The following UBTD1 variants were observed in gnomAD, a reference collection of about 807,000 sequenced individuals.
UBTD1 encodes ubiquitin domain containing 1.
Under a neutral mutation model 21.7 loss-of-function variants are expected in UBTD1, and 19 were observed. The observed-to-expected ratio is 0.87, with a 90% CI of 0.61 to 1.28. The LOEUF (loss-of-function observed/expected upper bound fraction) is 1.28, where lower values mean the gene tolerates loss of function less well. Among genes scored for constraint, UBTD1 ranks in the 50% most tolerant of loss-of-function variants. The pLI is 0.00. For missense variants in UBTD1, 282 were observed against 315.1 expected (o/e 0.89, Z 0.80); for synonymous variants, 116 against 135.1 (o/e 0.86, Z 0.98).
At chr10:97,569,021 C>T (rs943219416) in intron 2 of UBTD1, among the ~76,000 whole-genome samples, 4 of 151,642 alleles carry the variant, frequency 2.6e-5, no homozygotes, top group African/African-American at 9.8e-5. Flanking sequence ...CAGGGTTTCT[C>T]CATGTTGGTC....
chr10:97,546,417 C>T (rs575031915), intron 1 of UBTD1, among the ~76,000 whole-genome samples: 5 of 152,070 alleles, frequency 3.3e-5, no homozygotes, highest in African/African-American at 1.2e-4. Context: ...AGTGCAACCT[C>T]ATCTCTACTG....
chr10:97,554,180 A>G (rs572175492), intron 1 of UBTD1, among the ~76,000 whole-genome samples: 1 of 152,120 alleles, frequency 6.6e-6, no homozygotes, highest in Non-Finnish European at 1.5e-5. Flanking sequence ...TTGTAGTCAC[A>G]GTCCAGCAAC....
intron 1 of UBTD1, among the ~76,000 whole-genome samples, chr10:97,537,171 A>T (rs771490201): frequency 6.6e-6 from 1 of 152,102 alleles, no homozygotes; most frequent in African/African-American, 2.4e-5. Flanking sequence ...GCCCGGCAGG[A>T]TCTTAAACAC....
chr10:97,533,818 G>C (rs574231849), intron 1 of UBTD1, among the ~76,000 whole-genome samples: 14 of 151,976 alleles, frequency 9.2e-5, no homozygotes, highest in Non-Finnish European at 1.9e-4. Flanking sequence ...AGCTTCTCAG[G>C]AGGTTGAGGC....
intron 1 of UBTD1, among the ~76,000 whole-genome samples, chr10:97,521,730 C>G (rs1204851601): frequency 6.6e-6 from 1 of 152,208 alleles, no homozygotes; most frequent in Non-Finnish European, 1.5e-5. Context: ...CCAGATTTCC[C>G]CCAGCAGCAG....
chr10:97,510,965 C>T (rs2040421188), intron 1 of UBTD1, among the ~76,000 whole-genome samples: 1 of 152,248 alleles, frequency 6.6e-6, no homozygotes. Flanking sequence ...TGAGTGCCCT[C>T]TGTTTGTGGT....
At chr10:97,500,695 T>C (rs749036176) in intron 1 of UBTD1, among the ~76,000 whole-genome samples, 11 of 152,196 alleles carry the variant, frequency 7.2e-5, no homozygotes, top group Non-Finnish European at 1.3e-4. Flanking sequence ...TGAACACCCC[T>C]TTCCACCATC....
intron 1 of UBTD1, among the ~76,000 whole-genome samples, chr10:97,521,191 G>A (rs988434294): frequency 9.8e-5 from 15 of 152,302 alleles, no homozygotes; most frequent in East Asian, 3.9e-4. Context: ...CCTGGGACCC[G>A]CCTTTCATTC....
At chr10:97,553,175 A>G (rs1165630632) in intron 1 of UBTD1, among the ~76,000 whole-genome samples, 1 of 152,218 alleles carries the variant, frequency 6.6e-6, no homozygotes, top group African/African-American at 2.4e-5. Flanking sequence ...CTTGTTGCCC[A>G]GGCTGGAGTG....
chr10:97,526,131 A>C (rs1422748164), intron 1 of UBTD1, among the ~76,000 whole-genome samples: 1 of 152,124 alleles, frequency 6.6e-6, no homozygotes, highest in African/African-American at 2.4e-5. Context: ...ATTCGCAGTC[A>C]TTGTGTTTGG....
intron 1 of UBTD1, among the ~76,000 whole-genome samples, chr10:97,551,462 C>G (rs970308919): frequency 6.6e-6 from 1 of 152,162 alleles, no homozygotes; most frequent in East Asian, 1.9e-4. Context: ...GGGTGTGTTG[C>G]TCTGCTGCCT....
chr10:97,540,441 C>G (rs1179389028), intron 1 of UBTD1, among the ~76,000 whole-genome samples: 3 of 152,184 alleles, frequency 2.0e-5, no homozygotes, highest in Non-Finnish European at 4.4e-5. Flanking sequence ...CAGCCCACCA[C>G]CCAGCTGTGT....
rs1325135188 is a variant in UBTD1 at position 97,534,577 on chromosome 10, G to GCACACACACA, written c.71-33336_71-33335insACACACACAC. 8.1e-3 allele frequency among the ~76,000 whole-genome samples: 717 copies of GCACACACACA among 88,466 alleles called. 5 individuals carry two copies. The highest frequency in any genetic ancestry group is 0.017 in the African/African-American group (588 of 34,976). The allele number at this position is 88,466 out of a possible 152,430, so 58.0% of individuals were successfully genotyped here. ...GGCACTAAGGAACACACACGCGCGC[G>GCACACACACA]CGCACACACACACACACACACACAC... On this transcript the variant is annotated intron_variant, in intron 1 of 2. Transcript: ENST00000370664.
At chr10:97,515,225 A>G (rs529251898) in intron 1 of UBTD1, among the ~76,000 whole-genome samples, 1 of 152,178 alleles carries the variant, frequency 6.6e-6, no homozygotes, top group Non-Finnish European at 1.5e-5. Flanking sequence ...CAAAGAAGAG[A>G]TGAAAATGAG....
intron 1 of UBTD1, among the ~76,000 whole-genome samples, chr10:97,512,106 A>C (rs1290262597): frequency 6.6e-6 from 1 of 152,166 alleles, no homozygotes; most frequent in Non-Finnish European, 1.5e-5. Context: ...TCATCTCCTC[A>C]AGGAGTTCAG....
intron 1 of UBTD1, among the ~76,000 whole-genome samples, chr10:97,528,948 A>AC (rs573764443): frequency 0.039 from 4,850 of 124,018 alleles, 221 homozygotes; most frequent in African/African-American, 0.13. Flanking sequence ...GCGGGGGCTG[A>AC]CCCCCACCTC....
intron 1 of UBTD1, among the ~76,000 whole-genome samples, chr10:97,520,244 T>C (rs2040461240): frequency 6.6e-6 from 1 of 152,188 alleles, no homozygotes; most frequent in Non-Finnish European, 1.5e-5. Context: ...ACCTGCTTTG[T>C]CTCAGTTGGA....
intron 1 of UBTD1, among the ~76,000 whole-genome samples, chr10:97,564,289 G>A (rs541705358): frequency 1.1e-3 from 161 of 152,284 alleles, no homozygotes; most frequent in African/African-American, 3.3e-3. Context: ...AAGAAAGTGC[G>A]TCCATATAAA....
chr10:97,502,364 T>C (rs1194836669), intron 1 of UBTD1, among the ~76,000 whole-genome samples: 2 of 152,178 alleles, frequency 1.3e-5, no homozygotes, highest in Admixed American at 1.3e-4. Flanking sequence ...CATCTGTGGC[T>C]TTTCCTTTGA....
Sources: gnomAD v4.1 joint callset for allele counts (sites outside exome capture counted in the v4.1 genomes callset) on GRCh38, gnomAD v4.1.1 for gene constraint, MANE v1.5 for transcripts, NCBI Gene and HGNC (gene_info 2026-07-23, HGNC 2026-07-21) for gene names.